LRP1B: variants seen among roughly 807,000 people sequenced by gnomAD.
LRP1B encodes the protein LDL receptor related protein 1B, also known as low-density lipoprotein receptor-related protein 1B.
LRP1B carries 217 observed loss-of-function variants against 556.6 expected under a neutral mutation model. The ratio of observed to expected loss-of-function variants is 0.39; its 90% CI spans 0.35 to 0.44. LRP1B has a LOEUF of 0.44. Ranked by LOEUF, LRP1B falls within the 20% of genes least tolerant of loss-of-function variation. The pLI is 1.00. For synonymous variants in LRP1B, 2,047 were observed against 1,865.8 expected (o/e 1.10, Z -2.50); for missense variants, 5,053 against 5,620.8 (o/e 0.90, Z 3.23).
chr2:141,934,708 T>C (rs555996271), intron 1 of LRP1B, among the ~76,000 whole-genome samples: 2 of 152,176 alleles, frequency 1.3e-5, no homozygotes, highest in South Asian at 4.1e-4. Context: ...GATCTGATCG[T>C]TTTATAAGGG....
At chr2:141,616,971 T>C (rs1364816314) in intron 2 of LRP1B, among the ~76,000 whole-genome samples, 1 of 152,248 alleles carries the variant, frequency 6.6e-6, no homozygotes, top group Non-Finnish European at 1.5e-5. Context: ...AGATCTCTGC[T>C]TGGGCAATCA....
intron 7 of LRP1B, among the ~76,000 whole-genome samples, chr2:141,133,807 C>T (rs1431906828): frequency 2.0e-5 from 3 of 151,874 alleles, no homozygotes; most frequent in Non-Finnish European, 2.9e-5. Flanking sequence ...CACCAGATCC[C>T]ATGGCTTCAA....
chr2:142,077,717 G>C lies in LRP1B; in HGVS notation c.82+52931C>G, dbSNP rs112026121. 2.1e-3 allele frequency among the ~76,000 whole-genome samples: 320 copies of C among 152,104 alleles called. 2 individuals carry two copies. The highest frequency in any genetic ancestry group is 7.0e-3 in the African/African-American group (289 of 41,516). Reference sequence around the variant, plus strand: ...GAGAGTTTGGGAGTACAGTTTCCTTGGTTCGCTGCAGGATTTCACAAATCT... The same window carrying C: ...GAGAGTTTGGGAGTACAGTTTCCTTCGTTCGCTGCAGGATTTCACAAATCT... On this transcript the variant is annotated intron_variant, in intron 1 of 90. Transcript: ENST00000389484.
In LRP1B at chr2:141,536,540, G is replaced by A. The variant is rs77858385; in HGVS notation, c.206-56007C>T. On this transcript the variant is annotated intron_variant, in intron 2 of 90. Coordinates refer to ENST00000389484, the MANE Select transcript of LRP1B (RefSeq NM_018557.3). ...GCCATATGGCAGAAGTGAAGACAAT[G>A]GAGGTTATCAATAAAATAATACATT... Among the ~76,000 whole-genome samples the A allele has an allele frequency of 7.7e-3, 1,174 of 152,108 alleles. 55 individuals are homozygous for A. The highest frequency in any genetic ancestry group is 0.069 in the Admixed American group (1,054 of 15,248).
intron 60 of LRP1B, among the ~76,000 whole-genome samples, chr2:140,473,001 A>AT (rs1553470744): frequency 1.3e-5 from 2 of 152,108 alleles, no homozygotes; most frequent in Non-Finnish European, 2.9e-5. Context: ...AGTTATCGAT[A>AT]TAAATGTCTC....
intron 2 of LRP1B, among the ~76,000 whole-genome samples, chr2:141,529,570 T>G (rs1214495997): frequency 6.6e-6 from 1 of 152,180 alleles, no homozygotes; most frequent in African/African-American, 2.4e-5. Context: ...CTTCAGATAT[T>G]CCTGAATAAT....
intron 1 of LRP1B, among the ~76,000 whole-genome samples, chr2:141,899,933 T>C (rs375641002): frequency 6.6e-6 from 1 of 152,104 alleles, no homozygotes; most frequent in Non-Finnish European, 1.5e-5. Context: ...GTACTGACTG[T>C]GCACTCAAAT....
chr2:141,246,468 T>C (rs77279811), intron 5 of LRP1B, among the ~76,000 whole-genome samples: 5,930 of 152,234 alleles, frequency 0.039, 336 homozygotes, highest in African/African-American at 0.12. Context: ...TGAAAGTTAT[T>C]GGGAGATTTG....
chr2:140,965,291 T>C (rs1000168106), intron 18 of LRP1B, among the ~76,000 whole-genome samples: 23 of 152,170 alleles, frequency 1.5e-4, no homozygotes, highest in African/African-American at 5.3e-4. Context: ...TGCTTTGTCA[T>C]TGTAACTATG....
chr2:142,076,569 A>G (rs1705509160), intron 1 of LRP1B, among the ~76,000 whole-genome samples: 1 of 152,110 alleles, frequency 6.6e-6, no homozygotes, highest in Admixed American at 6.6e-5. Context: ...CACAGGACAC[A>G]AAGTTCCACA....
intron 7 of LRP1B, among the ~76,000 whole-genome samples, chr2:141,182,220 T>G (rs570759554): frequency 6.6e-6 from 1 of 152,006 alleles, no homozygotes; most frequent in Non-Finnish European, 1.5e-5. Context: ...AATATTTAGA[T>G]ATTTAATAGG....
intron 3 of LRP1B, among the ~76,000 whole-genome samples, chr2:141,289,381 CAAAAAAA>C (rs34784985): frequency 2.3e-4 from 10 of 43,446 alleles, no homozygotes; most frequent in African/African-American, 8.7e-4. Flanking sequence ...GACTCCATCT[CAAAAAAA>C]AAAAAAAAAA....
At chr2:140,257,645 T>C (rs755219108) in intron 86 of LRP1B, among the ~76,000 whole-genome samples, 44 of 152,286 alleles carry the variant, frequency 2.9e-4, no homozygotes, top group Non-Finnish European at 4.6e-4. Flanking sequence ...TCATAAAGGA[T>C]AGACATTGAT....
intron 1 of LRP1B, among the ~76,000 whole-genome samples, chr2:141,956,286 CAAA>C (rs1410684678): frequency 1.3e-5 from 2 of 152,018 alleles, no homozygotes; most frequent in Admixed American, 6.6e-5. Context: ...TAAATTTTTG[CAAA>C]ATTAATGTTT....
At chr2:141,592,379 A>C (rs1687372472) in intron 2 of LRP1B, among the ~76,000 whole-genome samples, 1 of 152,052 alleles carries the variant, frequency 6.6e-6, no homozygotes, top group Non-Finnish European at 1.5e-5. Context: ...CATAGGTGGC[A>C]CTGTCTTGGT....
At chr2:141,652,887 G>A (rs1574198080) in intron 2 of LRP1B, among the ~76,000 whole-genome samples, 1 of 152,152 alleles carries the variant, frequency 6.6e-6, no homozygotes, top group East Asian at 1.9e-4. Context: ...TTACTTGACA[G>A]TTGGCTTCCT....
chr2:140,432,579 A>T (rs1276425942), intron 66 of LRP1B, among the ~76,000 whole-genome samples: 1 of 152,218 alleles, frequency 6.6e-6, no homozygotes, highest in Non-Finnish European at 1.5e-5. Context: ...CCACACTGAG[A>T]AACTGGACAG....
chr2:141,187,935 G>T (rs541960186), intron 7 of LRP1B, among the ~76,000 whole-genome samples: 1 of 152,012 alleles, frequency 6.6e-6, no homozygotes, highest in South Asian at 2.1e-4. Context: ...GAACGTAAGA[G>T]TCTGAACAAA....
At chr2:140,686,944 G>T (rs1686071278) in intron 41 of LRP1B, among the ~76,000 whole-genome samples, 1 of 152,028 alleles carries the variant, frequency 6.6e-6, no homozygotes, top group Admixed American at 6.6e-5. Context: ...ATGGAATGTG[G>T]TCATCACAGA....
Sources: allele counts gnomAD v4.1 joint callset (sites outside exome capture counted in the v4.1 genomes callset), GRCh38; gene constraint gnomAD v4.1.1; transcripts MANE v1.5; gene names NCBI Gene and HGNC (gene_info 2026-07-23, HGNC 2026-07-21).